GPC5: variants seen among roughly 807,000 people sequenced by gnomAD.
GPC5 encodes glypican-5.
A neutral mutation model predicts 53.9 loss-of-function variants in GPC5; 47 were observed. That is an observed-to-expected ratio of 0.87 (90% CI 0.69 to 1.11). GPC5 has a LOEUF of 1.11. Ranked by LOEUF, GPC5 falls within the 50% of genes most tolerant of loss-of-function variation. The probability of loss-of-function intolerance (pLI) is 0.00; values close to 1 mark genes in which losing one functional copy is unlikely to be tolerated. For synonymous variants in GPC5, 286 were observed against 263.3 expected (o/e 1.09, Z -0.84); for missense variants, 748 against 713.1 (o/e 1.05, Z -0.56).
At chr13:91,535,145 T>C (rs1886530563) in intron 2 of GPC5, among the ~76,000 whole-genome samples, 1 of 152,196 alleles carries the variant, frequency 6.6e-6, no homozygotes. Context: ...GAAAATTACA[T>C]GTGCTATTTT....
intron 4 of GPC5, among the ~76,000 whole-genome samples, chr13:91,738,241 C>A (rs2036855593): frequency 6.6e-6 from 1 of 151,318 alleles, no homozygotes; most frequent in African/African-American, 2.5e-5. Flanking sequence ...GTTTTCAGAG[C>A]CTTTCCTGTG....
chr13:91,486,662 A>G (rs1424013984), intron 2 of GPC5: 1 of 152,228 alleles, frequency 6.6e-6, no homozygotes, highest in Non-Finnish European at 1.5e-5. Context: ...CAATTAAGCT[A>G]TCTTTGAGGA....
chr13:91,596,850 T>C (rs911608539), intron 2 of GPC5, among the ~76,000 whole-genome samples: 4 of 152,194 alleles, frequency 2.6e-5, no homozygotes, highest in Admixed American at 2.6e-4. Context: ...TTGGGTGTTA[T>C]TTTCCGTGCC....
At chr13:91,728,287 C>G (rs2036618583) in intron 3 of GPC5, among the ~76,000 whole-genome samples, 2 of 152,090 alleles carry the variant, frequency 1.3e-5, no homozygotes, top group Admixed American at 1.3e-4. Context: ...TTTTGCGTAT[C>G]TTACACATGT....
chr13:91,992,545 C>T (rs944051159), intron 6 of GPC5, among the ~76,000 whole-genome samples: 1 of 151,422 alleles, frequency 6.6e-6, no homozygotes, highest in African/African-American at 2.4e-5. Flanking sequence ...GCAACCTTTG[C>T]CTTCCAGGTT....
At chr13:91,909,127 T>C (rs1302925534) in intron 6 of GPC5, among the ~76,000 whole-genome samples, 2 of 152,178 alleles carry the variant, frequency 1.3e-5, no homozygotes, top group African/African-American at 4.8e-5. Context: ...CTACCATTGA[T>C]ACCTGTAGAA....
chr13:91,798,150 C>A (rs1399073656), intron 5 of GPC5, among the ~76,000 whole-genome samples: 1 of 152,120 alleles, frequency 6.6e-6, no homozygotes, highest in Non-Finnish European at 1.5e-5. Context: ...TTTACATATG[C>A]ATCTCATTTA....
intron 7 of GPC5, among the ~76,000 whole-genome samples, chr13:92,556,654 T>C (rs1423980037): frequency 6.6e-6 from 1 of 151,802 alleles, no homozygotes; most frequent in Non-Finnish European, 1.5e-5. Flanking sequence ...CAAAGACAAG[T>C]GTTCAACCCC....
At chr13:91,471,084 T>C (rs1209162976) in intron 2 of GPC5, among the ~76,000 whole-genome samples, 1 of 152,160 alleles carries the variant, frequency 6.6e-6, no homozygotes, top group Non-Finnish European at 1.5e-5. Flanking sequence ...ATAGACTATC[T>C]TTTGGTTAAA....
chr13:92,142,063 G>A (rs1328965887), intron 6 of GPC5, among the ~76,000 whole-genome samples: 1 of 152,128 alleles, frequency 6.6e-6, no homozygotes, highest in East Asian at 1.9e-4. Context: ...GGGGGACAGT[G>A]GGAGGGATAG....
chr13:92,041,352 A>T (rs1176081402), intron 6 of GPC5, among the ~76,000 whole-genome samples: 1 of 152,206 alleles, frequency 6.6e-6, no homozygotes, highest in Non-Finnish European at 1.5e-5. Flanking sequence ...GTGATCACGT[A>T]CTAGTCTAAA....
At chr13:92,479,011 C>T (rs1879251829) in intron 7 of GPC5, among the ~76,000 whole-genome samples, 1 of 152,146 alleles carries the variant, frequency 6.6e-6, no homozygotes, top group East Asian at 1.9e-4. Context: ...ATGAAGTGGA[C>T]TAAGAATATC....
At chr13:92,845,343 C>A (rs78492890) in intron 7 of GPC5, among the ~76,000 whole-genome samples, 207 of 152,176 alleles carry the variant, frequency 1.4e-3, no homozygotes, top group African/African-American at 4.8e-3. Flanking sequence ...GCTGCAGACC[C>A]AGGAAGGCCC....
At chr13:92,430,390 G>A (rs1877032485) in intron 7 of GPC5, among the ~76,000 whole-genome samples, 1 of 152,126 alleles carries the variant, frequency 6.6e-6, no homozygotes, top group Admixed American at 6.6e-5. Flanking sequence ...CAGTATTGGA[G>A]AAAACATTAT....
intron 7 of GPC5, chr13:92,447,334 T>C (rs945129709): frequency 7.2e-5 from 11 of 152,122 alleles, no homozygotes; most frequent in Admixed American, 7.2e-4. Context: ...AGAAGTCTAG[T>C]CTCTTTGGTC....
chr13:92,332,777 A>G (rs544984985), intron 7 of GPC5, among the ~76,000 whole-genome samples: 1 of 152,348 alleles, frequency 6.6e-6, no homozygotes, highest in East Asian at 1.9e-4. Flanking sequence ...TTGATTGCTT[A>G]TATAGGCTCT....
At chr13:92,140,806 G>T (rs1172454537) in intron 6 of GPC5, among the ~76,000 whole-genome samples, 1 of 152,190 alleles carries the variant, frequency 6.6e-6, no homozygotes, top group Non-Finnish European at 1.5e-5. Flanking sequence ...TAGTGGAGAT[G>T]AGCAGTTTTA....
rs898585064 is a variant in GPC5, at chr13:92,845,932, A to T, written c.1562-20350A>T. ...CCAAAATCAGTTTTCTAAACTGGGG[A>T]TATATATATTTAAAAGCTTTTCCAT... On this transcript the variant is annotated intron_variant, in intron 7 of 7. Coordinates refer to ENST00000377067, the MANE Select transcript of GPC5 (RefSeq NM_004466.6). Among the ~76,000 whole-genome samples the T allele has an allele frequency of 3.3e-5, 5 of 152,066 alleles. No individual in the cohort carries two copies. In the South Asian group the frequency reaches 1.0e-3, roughly 32 times the overall value.
At chr13:92,631,001 C>T (rs1216131409) in intron 7 of GPC5, among the ~76,000 whole-genome samples, 1 of 152,010 alleles carries the variant, frequency 6.6e-6, no homozygotes, top group Non-Finnish European at 1.5e-5. Flanking sequence ...ACCATTTCTT[C>T]TTGCTAATCG....
Sources: allele counts gnomAD v4.1 joint callset (sites outside exome capture counted in the v4.1 genomes callset), GRCh38; gene constraint gnomAD v4.1.1; transcripts MANE v1.5; gene names NCBI Gene and HGNC (gene_info 2026-07-23, HGNC 2026-07-21).